EYA1: variants seen among roughly 807,000 people sequenced by gnomAD.
EYA1 encodes the protein protein phosphatase EYA1.
In EYA1, 16 loss-of-function variants were observed where a neutral mutation model predicts 82.0. The observed-to-expected ratio is 0.20, with a 90% CI of 0.13 to 0.30. The LOEUF (loss-of-function observed/expected upper bound fraction) is 0.30, where lower values mean the gene tolerates loss of function less well. Ranked by LOEUF, EYA1 falls within the 10% of genes least tolerant of loss-of-function variation. The pLI is 1.00. For missense variants in EYA1, 633 were observed against 730.7 expected, an observed-to-expected ratio of 0.87 and a Z score of 1.54; for synonymous variants, 261 against 264.4, an observed-to-expected ratio of 0.99 and a Z score of 0.12.
intron 17 of EYA1, among the ~76,000 whole-genome samples, chr8:71,208,864 T>TAAGAA (rs1808169914): frequency 6.6e-6 from 1 of 152,242 alleles, no homozygotes; most frequent in Non-Finnish European, 1.5e-5. Context: ...GTCAAACTTC[T>TAAGAA]AAGAATTGTA....
At chr8:71,534,661 G>A (rs1443109320) in intron 2 of EYA1, among the ~76,000 whole-genome samples, 1 of 152,098 alleles carries the variant, frequency 6.6e-6, no homozygotes, top group Non-Finnish European at 1.5e-5. Context: ...AACAGAAAAC[G>A]AAACACTGCA....
At chr8:71,542,495 G>C (rs1051329553) in intron 1 of EYA1, among the ~76,000 whole-genome samples, 3 of 152,256 alleles carry the variant, frequency 2.0e-5, no homozygotes, top group Admixed American at 1.3e-4. Context: ...TCATGTCTTT[G>C]CTATTGTAAA....
chr8:71,474,187 T>A (rs1809465660), intron 2 of EYA1, among the ~76,000 whole-genome samples: 1 of 123,548 alleles, frequency 8.1e-6, no homozygotes, highest in African/African-American at 3.8e-5. Context: ...TCCCAGAACT[T>A]AAAGTAAAAT....
chr8:71,453,993 G>A (rs540240266), intron 2 of EYA1, among the ~76,000 whole-genome samples: 33 of 152,074 alleles, frequency 2.2e-4, no homozygotes, highest in South Asian at 4.2e-4. Flanking sequence ...ATAAAGAGTC[G>A]AGACCCATCA....
chr8:71,333,492 CAT>C (rs1269251258), intron 4 of EYA1, among the ~76,000 whole-genome samples: 5 of 152,082 alleles, frequency 3.3e-5, no homozygotes, highest in Admixed American at 6.6e-5. Flanking sequence ...ACTTGGCAAA[CAT>C]ATAATCACAT....
rs376656079 is a variant in EYA1, at chr8:71,238,208, T to C, written c.1140+6395A>G. On this transcript the variant is annotated intron_variant, in intron 12 of 17. Transcript: ENST00000340726. ...CACTATTAATTTGCTTGGTTTTATT[T>C]AAAACATACACAATTTTTCTTTAAG... Among the ~76,000 whole-genome samples the C allele has an allele frequency of 1.4e-4, 21 of 152,316 alleles. No individual in the cohort carries two copies. In the South Asian group the frequency reaches 2.3e-3, roughly 17 times the overall value.
At chr8:71,270,701 G>A (rs1816414856) in intron 10 of EYA1, among the ~76,000 whole-genome samples, 1 of 152,156 alleles carries the variant, frequency 6.6e-6, no homozygotes, top group Non-Finnish European at 1.5e-5. Context: ...CACTCTTTAA[G>A]TTCTTACTTA....
intron 2 of EYA1, among the ~76,000 whole-genome samples, chr8:71,450,548 A>G (rs896524453): frequency 6.6e-6 from 1 of 152,232 alleles, no homozygotes; most frequent in African/African-American, 2.4e-5. Context: ...ACAGATTATC[A>G]TAACAGATAC....
At chr8:71,475,657 T>G (rs893589909) in intron 2 of EYA1, among the ~76,000 whole-genome samples, 3 of 152,138 alleles carry the variant, frequency 2.0e-5, no homozygotes, top group African/African-American at 7.2e-5. Flanking sequence ...AGGAAAAAAT[T>G]TTGGTTCCTT....
At chr8:71,516,045 C>T (rs1812952963) in intron 2 of EYA1, among the ~76,000 whole-genome samples, 1 of 152,134 alleles carries the variant, frequency 6.6e-6, no homozygotes, top group Non-Finnish European at 1.5e-5. Context: ...TAATTACCCT[C>T]TCTATAGCTC....
At chr8:71,483,309 A>G (rs1458188744) in intron 2 of EYA1, among the ~76,000 whole-genome samples, 2 of 152,072 alleles carry the variant, frequency 1.3e-5, no homozygotes, top group African/African-American at 4.8e-5. Context: ...TCATCTTCTC[A>G]CCAAGCTCTA....
chr8:71,217,462 G>C (rs553064752), intron 12 of EYA1, among the ~76,000 whole-genome samples: 2 of 152,290 alleles, frequency 1.3e-5, no homozygotes, highest in African/African-American at 4.8e-5. Context: ...TCTGATTGCT[G>C]TTGAGCCACA....
chr8:71,383,096 T>TC (rs1262713234), intron 2 of EYA1, among the ~76,000 whole-genome samples: 1 of 138,306 alleles, frequency 7.2e-6, no homozygotes, highest in East Asian at 2.0e-4. Context: ...CAGCACCTAT[T>TC]TTTTTTTTGC....
chr8:71,444,139 C>T (rs532043388), intron 2 of EYA1, among the ~76,000 whole-genome samples: 1 of 152,274 alleles, frequency 6.6e-6, no homozygotes, highest in East Asian at 1.9e-4. Flanking sequence ...CACAGATAAC[C>T]TCTATCCAAT....
At chr8:71,290,534 T>C (rs988337045) in intron 9 of EYA1, among the ~76,000 whole-genome samples, 1 of 152,112 alleles carries the variant, frequency 6.6e-6, no homozygotes, top group Admixed American at 6.6e-5. Context: ...TAAGAAAGAA[T>C]TACATATTTA....
At chr8:71,398,479 G>C (rs1007421510) in intron 2 of EYA1, among the ~76,000 whole-genome samples, 14 of 152,202 alleles carry the variant, frequency 9.2e-5, no homozygotes, top group Admixed American at 7.9e-4. Context: ...GGGTTTTGGT[G>C]TGGATGTCCT....
intron 9 of EYA1, among the ~76,000 whole-genome samples, chr8:71,293,984 G>A (rs1406944263): frequency 6.7e-6 from 1 of 150,356 alleles, no homozygotes; most frequent in Non-Finnish European, 1.5e-5. Context: ...AAATATAACT[G>A]TCTTTTTTCA....
At chr8:71,336,529 T>C (rs1337727556) in intron 3 of EYA1, among the ~76,000 whole-genome samples, 2 of 152,230 alleles carry the variant, frequency 1.3e-5, no homozygotes, top group Non-Finnish European at 2.9e-5. Flanking sequence ...AAACCACTCC[T>C]GTTTCTGTAC....
chr8:71,445,769 G>T (rs1159435591), intron 2 of EYA1, among the ~76,000 whole-genome samples: 1 of 152,178 alleles, frequency 6.6e-6, no homozygotes, highest in East Asian at 1.9e-4. Context: ...CTACTGAGTA[G>T]CTGGGACTAC....
Sources: allele counts gnomAD v4.1 joint callset (sites outside exome capture counted in the v4.1 genomes callset), GRCh38; gene constraint gnomAD v4.1.1; transcripts MANE v1.5; gene names NCBI Gene and HGNC (gene_info 2026-07-23, HGNC 2026-07-21).